Variants in ZNF106 observed in about 807,000 individuals in gnomAD.
ZNF106 encodes the protein SH3-domain binding protein 3.
A neutral mutation model predicts 195.1 loss-of-function variants in ZNF106; 67 were observed. The observed-to-expected ratio is 0.34, with a 90% CI of 0.28 to 0.42. The LOEUF (loss-of-function observed/expected upper bound fraction) is 0.42. ZNF106 is among the 10% of genes least tolerant of loss of function. The probability of loss-of-function intolerance (pLI) is 1.00; values close to 1 mark genes in which losing one functional copy is unlikely to be tolerated. For missense variants in ZNF106, 2,118 were observed against 2,304.5 expected, an observed-to-expected ratio of 0.92 and a Z score of 1.66; for synonymous variants, 784 against 818.6, an observed-to-expected ratio of 0.96 and a Z score of 0.72.
chr15:42,475,566 G>A (rs1255260659), intron 1 of ZNF106, among the ~76,000 whole-genome samples: 1 of 152,166 alleles, frequency 6.6e-6, no homozygotes, highest in Non-Finnish European at 1.5e-5. Context: ...TTTGTGGATA[G>A]GTACAGTATT....
intron 14 of ZNF106, among the ~76,000 whole-genome samples, chr15:42,429,995 T>C (rs2054995671): frequency 1.3e-5 from 2 of 152,056 alleles, no homozygotes; most frequent in African/African-American, 4.8e-5. Flanking sequence ...GGGAGGCATT[T>C]GAGGGAAGCT....
intron 14 of ZNF106, among the ~76,000 whole-genome samples, chr15:42,430,645 A>G (rs1371844433): frequency 3.3e-5 from 5 of 152,112 alleles, no homozygotes; most frequent in Middle Eastern, 3.4e-3. Flanking sequence ...TTGGCCTCCT[A>G]AAGTGTTAAG....
intron 1 of ZNF106, among the ~76,000 whole-genome samples, chr15:42,480,234 A>G (rs750349595): frequency 2.0e-5 from 3 of 152,202 alleles, no homozygotes; most frequent in African/African-American, 4.8e-5. Context: ...TGAAGCGCTG[A>G]TATCAGGCAC....
chr15:42,438,804 G>A, intron 11 of ZNF106, 137 bp from the exon 12 acceptor site: 3 of 917,320 alleles, frequency 3.3e-6, no homozygotes, highest in Non-Finnish European at 4.9e-6. Flanking sequence ...TTTTCCATCT[G>A]AAATTTCTTA....
At chr15:42,429,426 G>A (rs546926974) in intron 14 of ZNF106, among the ~76,000 whole-genome samples, 2 of 151,394 alleles carry the variant, frequency 1.3e-5, no homozygotes, top group South Asian at 2.1e-4. Context: ...GCGACACAGC[G>A]AGACCCCGTC....
intron 15 of ZNF106, chr15:42,427,797 G>T: frequency 2.7e-6 from 1 of 371,026 alleles, no homozygotes; most frequent in Non-Finnish European, 5.1e-6. Context: ...GTTTAATTTA[G>T]TGGAGTTACA....
intron 1 of ZNF106, among the ~76,000 whole-genome samples, chr15:42,489,156 C>A (rs547399484): frequency 2.0e-5 from 3 of 149,918 alleles, no homozygotes; most frequent in Non-Finnish European, 4.4e-5. Context: ...TCGTTCACAC[C>A]CTCTACCTCC....
At chr15:42,442,479 A>G (rs903492926) in intron 9 of ZNF106, 65 bp from the exon 10 acceptor site, 2 of 1,361,480 alleles carry the variant, frequency 1.5e-6, no homozygotes, top group African/African-American at 1.5e-5. Context: ...TTTGTGTCTG[A>G]GCTAATTTGT....
At chr15:42,486,123 C>G (rs2057010362) in intron 1 of ZNF106, among the ~76,000 whole-genome samples, 1 of 151,856 alleles carries the variant, frequency 6.6e-6, no homozygotes, top group African/African-American at 2.4e-5. Context: ...CCACACCCAG[C>G]TAACTTTTGT....
At chr15:42,424,335 C>A in intron 16 of ZNF106, 1 of 388,262 alleles carries the variant, frequency 2.6e-6, no homozygotes, top group South Asian at 5.9e-5. Context: ...CACAGTATAA[C>A]AAAATACACT....
chr15:42,429,516 T>C lies in ZNF106; in HGVS notation c.4882-1382A>G, dbSNP rs2054979497. ...CTTTTTAAGTGGGCTTGGCTGTAGA[T>C]ATTAAAATCAAGATGGTTACAATTG... On this transcript the variant is annotated intron_variant, in intron 14 of 21. Coordinates refer to ENST00000564754, the MANE Select transcript of ZNF106 (RefSeq NM_001366845.3). Among the ~76,000 whole-genome samples the C allele has an allele frequency of 2.0e-5, 3 of 151,788 alleles. No homozygotes were observed. The South Asian group carries it at 6.2e-4, about 32-fold the overall frequency.
At position 42,415,505 on chromosome 15, in the gene ZNF106, A is replaced by T. The variant is rs148042984; in HGVS notation, c.*1799T>A. On this transcript the variant is annotated 3_prime_UTR_variant, in exon 22 of 22. Transcript: ENST00000564754. Reference sequence around the variant, plus strand: ...GAAAAAAGAACACATACTCAGTCTCACACACAATTTCTGGGGGCTCACAGA... The same window carrying T: ...GAAAAAAGAACACATACTCAGTCTCTCACACAATTTCTGGGGGCTCACAGA... The T allele has an allele frequency of 4.3e-3, 1,940 of 455,036 alleles. 37 individuals carry two copies. The highest frequency in any genetic ancestry group is 0.036 in the African/African-American group (1,800 of 50,022). The allele number at this position is 455,036 out of a possible 1,614,324, so 28.2% of individuals were successfully genotyped here. A position where few individuals can be genotyped will look rare whatever the true frequency, so the allele number is the denominator to read the frequency against.
intron 2 of ZNF106, among the ~76,000 whole-genome samples, chr15:42,471,588 A>G (rs539996535): frequency 6.6e-6 from 1 of 152,226 alleles, no homozygotes; most frequent in South Asian, 2.1e-4. Flanking sequence ...AAAATCAGCC[A>G]TACCCAGCAG....
chr15:42,485,780 T>C (rs973028472), intron 1 of ZNF106, among the ~76,000 whole-genome samples: 2 of 152,188 alleles, frequency 1.3e-5, no homozygotes, highest in Non-Finnish European at 2.9e-5. Context: ...ATAAACAATG[T>C]GGTACGAAAG....
intron 5 of ZNF106, among the ~76,000 whole-genome samples, chr15:42,449,211 C>T (rs2055889483): frequency 6.6e-6 from 1 of 152,112 alleles, no homozygotes; most frequent in Admixed American, 6.6e-5. Context: ...AGCAAACTTA[C>T]GTTGAACACT....
chr15:42,436,202 C>G (rs1350784534), intron 13 of ZNF106, among the ~76,000 whole-genome samples: 1 of 152,160 alleles, frequency 6.6e-6, no homozygotes, highest in Non-Finnish European at 1.5e-5. Flanking sequence ...ATCCACCCAC[C>G]TTGGCCTCCC....
chr15:42,468,219 G>T (rs2056575169), intron 2 of ZNF106, among the ~76,000 whole-genome samples: 1 of 151,596 alleles, frequency 6.6e-6, no homozygotes, highest in African/African-American at 2.4e-5. Context: ...CTCGATTACA[G>T]GCATGCGCCA....
At chr15:42,469,185 A>G (rs559930690) in intron 2 of ZNF106, among the ~76,000 whole-genome samples, 94 of 147,030 alleles carry the variant, frequency 6.4e-4, no homozygotes, top group Non-Finnish European at 1.3e-3. Context: ...AACGCCGTCT[A>G]AAAAAAAAAA....
chr15:42,434,768 CT>C lies in ZNF106; in HGVS notation c.4881+615del, dbSNP rs536454605. ...ATTTAAAAAGTTTATACATTTTGCT[CT>C]TTTTTTTTTTTTTTTTTTCCTGAGA... is the stretch of plus-strand genomic sequence containing the variant. On this transcript the variant is annotated intron_variant, in intron 14 of 21. Coordinates refer to ENST00000564754, the MANE Select transcript of ZNF106 (RefSeq NM_001366845.3). Among the ~76,000 whole-genome samples the C allele has an allele frequency of 2.5e-3, 337 of 134,808 alleles. 1 individual carries two copies. Among genetic ancestry groups the C allele is most frequent in the African/African-American group, 4.5e-3 (165 of 36,536 alleles). The allele number at this position is 134,808 out of a possible 152,430, so 88.4% of individuals were successfully genotyped here. A position where few individuals can be genotyped will look rare whatever the true frequency, so the allele number is the denominator to read the frequency against.
Sources: allele counts gnomAD v4.1 joint callset (sites outside exome capture counted in the v4.1 genomes callset), GRCh38; gene constraint gnomAD v4.1.1; transcripts MANE v1.5; gene names NCBI Gene and HGNC (gene_info 2026-07-23, HGNC 2026-07-21).